Variants in JAZF1 observed in about 807,000 individuals in gnomAD.
JAZF1 encodes juxtaposed with another zinc finger protein 1.
JAZF1 carries 8 observed loss-of-function variants against 26.4 expected under a neutral mutation model. That is an observed-to-expected ratio of 0.30 (90% confidence interval 0.18 to 0.55). The LOEUF (loss-of-function observed/expected upper bound fraction) is 0.55. JAZF1 is among the 20% of genes least tolerant of loss of function. The probability of loss-of-function intolerance (pLI) is 0.94; values close to 1 mark genes in which losing one functional copy is unlikely to be tolerated. For synonymous variants in JAZF1, 126 were observed against 122.3 expected, an observed-to-expected ratio of 1.03 and a Z score of -0.20; for missense variants, 199 against 322.0, an observed-to-expected ratio of 0.62 and a Z score of 2.92.
chr7:27,957,368 G>A (rs998630325), intron 2 of JAZF1, among the ~76,000 whole-genome samples: 1 of 152,218 alleles, frequency 6.6e-6, no homozygotes, highest in Admixed American at 6.5e-5. Context: ...CATAAGGGAT[G>A]ATGTATGTTC....
At chr7:27,959,554 C>T (rs551326084) in intron 2 of JAZF1, among the ~76,000 whole-genome samples, 2 of 152,284 alleles carry the variant, frequency 1.3e-5, no homozygotes, top group Non-Finnish European at 2.9e-5. Context: ...CTGGCACCCA[C>T]GAGTATACAG....
intron 1 of JAZF1, among the ~76,000 whole-genome samples, chr7:28,025,947 A>G (rs1477531961): frequency 6.6e-6 from 1 of 152,220 alleles, no homozygotes; most frequent in Non-Finnish European, 1.5e-5. Flanking sequence ...TCAATTAATT[A>G]TAAGTAGAGG....
chr7:28,080,765 T>C (rs1375397707), intron 1 of JAZF1, among the ~76,000 whole-genome samples: 3 of 152,136 alleles, frequency 2.0e-5, no homozygotes, highest in Non-Finnish European at 2.9e-5. Context: ...GTGCAGTTCA[T>C]GGCACCACCA....
intron 2 of JAZF1, among the ~76,000 whole-genome samples, chr7:27,966,109 C>A (rs1242193674): frequency 6.6e-6 from 1 of 152,170 alleles, no homozygotes; most frequent in African/African-American, 2.4e-5. Context: ...TGCTGGCATC[C>A]CTTTTTAGCT....
intron 1 of JAZF1, among the ~76,000 whole-genome samples, chr7:28,119,354 C>T (rs1379573608): frequency 6.6e-6 from 1 of 152,124 alleles, no homozygotes; most frequent in Admixed American, 6.6e-5. Context: ...CCAACAAAAC[C>T]CTACTTTGTT....
intron 1 of JAZF1, among the ~76,000 whole-genome samples, chr7:28,139,366 T>C (rs1782930336): frequency 6.6e-6 from 1 of 152,192 alleles, no homozygotes; most frequent in Non-Finnish European, 1.5e-5. Context: ...TACATCAAAA[T>C]GTATTTCATT....
intron 1 of JAZF1, among the ~76,000 whole-genome samples, chr7:28,116,590 G>A (rs1475740099): frequency 1.3e-5 from 2 of 149,832 alleles, no homozygotes; most frequent in African/African-American, 4.9e-5. Context: ...ATACAGGCAC[G>A]TGCCACTACG....
intron 1 of JAZF1, among the ~76,000 whole-genome samples, chr7:28,059,542 G>A (rs966260039): frequency 2.0e-5 from 3 of 152,088 alleles, no homozygotes; most frequent in African/African-American, 7.2e-5. Context: ...GAAAGTCACT[G>A]TTGATTCAAA....
intron 1 of JAZF1, among the ~76,000 whole-genome samples, chr7:28,114,596 G>GT (rs11287110): frequency 1.1e-3 from 163 of 143,728 alleles, no homozygotes; most frequent in Middle Eastern, 3.5e-3. Context: ...TTCTTTTTAG[G>GT]TTTTTTTTTT....
intron 1 of JAZF1, among the ~76,000 whole-genome samples, chr7:28,085,597 C>T (rs1481268123): frequency 3.9e-5 from 6 of 152,112 alleles, no homozygotes; most frequent in Non-Finnish European, 5.9e-5. Flanking sequence ...ACGTTATAAA[C>T]CCCTCCAAAA....
At chr7:27,847,957 G>A (rs1359604919) in intron 3 of JAZF1, among the ~76,000 whole-genome samples, 8 of 152,100 alleles carry the variant, frequency 5.3e-5, no homozygotes, top group Non-Finnish European at 5.9e-5. Context: ...ATGAGCCACC[G>A]TGCCCAGCCT....
At chr7:28,024,886 A>C (rs987273449) in intron 1 of JAZF1, among the ~76,000 whole-genome samples, 3 of 152,222 alleles carry the variant, frequency 2.0e-5, no homozygotes, top group African/African-American at 7.2e-5. Context: ...ATTGCTTGAC[A>C]AGGATTCCAT....
chr7:28,102,402 G>T (rs957608948), intron 1 of JAZF1, among the ~76,000 whole-genome samples: 1 of 152,162 alleles, frequency 6.6e-6, no homozygotes, highest in Admixed American at 6.5e-5. Flanking sequence ...GAATAGAAAC[G>T]ATTCCCATAA....
At chr7:28,153,847 G>A (rs1469812473) in intron 1 of JAZF1, among the ~76,000 whole-genome samples, 1 of 152,078 alleles carries the variant, frequency 6.6e-6, no homozygotes, top group Non-Finnish European at 1.5e-5. Flanking sequence ...CTCTATTAGG[G>A]GTGCTTTGGG....
Position 27,832,432 on chromosome 7 carries a change from G to GA in JAZF1, c.*367dup, listed in dbSNP as rs201755269. 4.8e-3 allele frequency: 1,089 copies of GA among 229,040 alleles called. 19 individuals are homozygous for GA. Among genetic ancestry groups the GA allele is most frequent in the East Asian group, 9.9e-3 (158 of 15,890 alleles). 14.2% of individuals were successfully genotyped at this position (229,040 alleles called of 1,614,324 possible). On this transcript the variant is annotated 3_prime_UTR_variant, in exon 5 of 5. Coordinates refer to ENST00000283928, the MANE Select transcript of JAZF1 (RefSeq NM_175061.4). ...AAAACTTCAATCACATTACAATCTT[G>GA]AAAAAAAAATCTCAGTGCCAGCCCC...
chr7:28,066,447 C>A, intron 1 of JAZF1, among the ~76,000 whole-genome samples: 1 of 151,622 alleles, frequency 6.6e-6, no homozygotes. Flanking sequence ...ACTAAAAATA[C>A]AAAAAATTAG....
chr7:28,140,666 A>T (rs1488854538), intron 1 of JAZF1, among the ~76,000 whole-genome samples: 1 of 152,222 alleles, frequency 6.6e-6, no homozygotes, highest in African/African-American at 2.4e-5. Context: ...TTCACATCAT[A>T]GCACATAGAG....
chr7:28,012,350 A>G (rs1185805823), intron 1 of JAZF1, among the ~76,000 whole-genome samples: 1 of 152,238 alleles, frequency 6.6e-6, no homozygotes, highest in Non-Finnish European at 1.5e-5. Context: ...GACAGCTAAT[A>G]TTTCACATTA....
At position 28,180,450 on chromosome 7, in the gene JAZF1, C is replaced by A; in HGVS notation, c.115+13G>T. Reference sequence around the variant, plus strand: ...GCGCGCCTGGCACCCCCGCCCACCCCCGGGCCATTTACCGATGTGGTTGTC... The same window carrying A: ...GCGCGCCTGGCACCCCCGCCCACCCACGGGCCATTTACCGATGTGGTTGTC... On this transcript the variant is annotated intron_variant, in intron 1 of 4. Transcript: ENST00000283928. 6.2e-7 allele frequency: 1 copy of A among 1,606,532 alleles called. No individual in the cohort carries two copies.
Sources: gnomAD v4.1 joint callset for allele counts (sites outside exome capture counted in the v4.1 genomes callset) on GRCh38, gnomAD v4.1.1 for gene constraint, MANE v1.5 for transcripts, NCBI Gene and HGNC (gene_info 2026-07-23, HGNC 2026-07-21) for gene names.